The following RNGTT variants were observed in gnomAD, a reference collection of about 807,000 sequenced individuals.
RNGTT encodes the protein mRNA-capping enzyme.
Under a neutral mutation model 79.3 loss-of-function variants are expected in RNGTT, and 33 were observed. That is an observed-to-expected ratio of 0.42 (90% CI 0.32 to 0.56). The LOEUF (loss-of-function observed/expected upper bound fraction) is 0.56. Ranked by LOEUF, RNGTT falls within the 20% of genes least tolerant of loss-of-function variation. RNGTT has a pLI of 0.17. For synonymous variants in RNGTT, 222 were observed against 235.9 expected, an observed-to-expected ratio of 0.94 and a Z score of 0.54; for missense variants, 497 against 739.1, an observed-to-expected ratio of 0.67 and a Z score of 3.80.
chr6:88,626,650 C>A (rs1772644392), intron 14 of RNGTT, among the ~76,000 whole-genome samples: 1 of 152,022 alleles, frequency 6.6e-6, no homozygotes, highest in South Asian at 2.1e-4. Flanking sequence ...AATTGCAGCA[C>A]AAACCACAAA....
chr6:88,829,981 A>T (rs1443422551), intron 11 of RNGTT, among the ~76,000 whole-genome samples: 1 of 152,164 alleles, frequency 6.6e-6, no homozygotes, highest in Admixed American at 6.6e-5. Flanking sequence ...AGACAGATCA[A>T]CGAGACAGGA....
rs6900077 is a variant in RNGTT, at chr6:88,613,151, C to T, written c.1631-269G>A. 4.8e-3 allele frequency among the ~76,000 whole-genome samples: 737 copies of T among 152,304 alleles called. 6 individuals are homozygous for T. Among genetic ancestry groups the T allele is most frequent in the African/African-American group, 0.017 (717 of 41,560 alleles). On this transcript the variant is annotated intron_variant, in intron 15 of 15. Coordinates refer to ENST00000369485, the MANE Select transcript of RNGTT (RefSeq NM_003800.5). ...ATGTCTTCCCCACGGTTTTCTATCCCTCCCAAACCAGTTTTTATGGGATTT... is the reference window on the plus strand; with the variant it reads ...ATGTCTTCCCCACGGTTTTCTATCCTTCCCAAACCAGTTTTTATGGGATTT...
At chr6:88,778,653 G>A (rs762535639) in intron 12 of RNGTT, among the ~76,000 whole-genome samples, 101 of 152,050 alleles carry the variant, frequency 6.6e-4, no homozygotes, top group Non-Finnish European at 1.8e-4. Context: ...ATTGCACCCA[G>A]CTCAAACAGA....
intron 4 of RNGTT, among the ~76,000 whole-genome samples, chr6:88,920,756 G>C (rs1211569267): frequency 6.6e-6 from 1 of 152,132 alleles, no homozygotes; most frequent in Non-Finnish European, 1.5e-5. Flanking sequence ...CATACTCCAG[G>C]TTTAGGAAAA....
At chr6:88,795,011 T>C (rs1779548812) in intron 12 of RNGTT, among the ~76,000 whole-genome samples, 4 of 152,072 alleles carry the variant, frequency 2.6e-5, no homozygotes, top group Non-Finnish European at 4.4e-5. Context: ...AAGGTACAGG[T>C]TGATGATCAG....
intron 13 of RNGTT, among the ~76,000 whole-genome samples, chr6:88,704,979 T>TA (rs570631160): frequency 1.1e-3 from 154 of 144,294 alleles, no homozygotes; most frequent in African/African-American, 1.5e-3. Flanking sequence ...TGAAGAAACC[T>TA]AAAAAAAAAA....
In RNGTT at chr6:88,660,555, A is replaced by AAAAAAAAAAAAG. The variant is rs937133942; in HGVS notation, c.1506+17797_1506+17798insCTTTTTTTTTTT. ...GACTTTAAAGCAACAATGGTAAAAAAAAAGAAAGAAAAGGAGAGACATTAT... is the reference window on the plus strand; with the variant it reads ...GACTTTAAAGCAACAATGGTAAAAAAAAAAAAAAAAAGAAAGAAAGAAAAGGAGAGACATTAT... On this transcript the variant is annotated intron_variant, in intron 14 of 15. Coordinates refer to ENST00000369485, the MANE Select transcript of RNGTT (RefSeq NM_003800.5). Among the ~76,000 whole-genome samples, 852 of 151,782 alleles carry AAAAAAAAAAAAG rather than the reference A, an allele frequency of 5.6e-3. 8 individuals carry two copies. Among genetic ancestry groups the AAAAAAAAAAAAG allele is most frequent in the African/African-American group, 0.02 (806 of 41,122 alleles).
Position 88,612,687 on chromosome 6 carries a change from T to C in RNGTT, c.*32A>G. On this transcript the variant is annotated 3_prime_UTR_variant, in exon 16 of 16. Coordinates refer to ENST00000369485, the MANE Select transcript of RNGTT (RefSeq NM_003800.5). ...CAACAGCGTTTTTTCCTCATTCCTC[T>C]TTCTTCTTAACCCTCAAGTCACAGG... 6.4e-7 allele frequency: 1 copy of C among 1,572,340 alleles called. No individual in the cohort carries two copies. Among genetic ancestry groups the C allele is most frequent in the South Asian group, 1.1e-5 (1 of 87,858 alleles).
At chr6:88,797,849 A>G (rs1478193115) in intron 12 of RNGTT, among the ~76,000 whole-genome samples, 2 of 150,808 alleles carry the variant, frequency 1.3e-5, no homozygotes, top group African/African-American at 4.9e-5. Context: ...GCTCAATCCT[A>G]TTCTTCCACA....
intron 4 of RNGTT, among the ~76,000 whole-genome samples, chr6:88,919,707 CTTTTTTTTTTTT>C (rs5878082): frequency 6.8e-5 from 4 of 58,486 alleles, no homozygotes; most frequent in East Asian, 4.6e-4. Context: ...GTCAGTAGTT[CTTTTTTTTTTTT>C]TTTTTTTTTT....
intron 4 of RNGTT, among the ~76,000 whole-genome samples, chr6:88,917,448 G>A (rs560439310): frequency 6.6e-6 from 1 of 152,224 alleles, no homozygotes; most frequent in East Asian, 1.9e-4. Flanking sequence ...ATGAGCTGTG[G>A]TAAGAAATGC....
chr6:88,647,704 A>AAAAAAAAAAAAAAAAAAAAAAAAAT (rs1773626440), intron 14 of RNGTT, among the ~76,000 whole-genome samples: 2 of 147,172 alleles, frequency 1.4e-5, no homozygotes, highest in Non-Finnish European at 3.0e-5. Flanking sequence ...ACCCTGTTAA[A>AAAAAAAAAAAAAAAAAAAAAAAAAT]AAAAAAAAAA....
intron 13 of RNGTT, among the ~76,000 whole-genome samples, chr6:88,687,625 T>C (rs537093035): frequency 3.9e-5 from 6 of 152,086 alleles, no homozygotes; most frequent in Non-Finnish European, 8.8e-5. Flanking sequence ...TACTTACCAA[T>C]AGGAAATGAT....
At chr6:88,704,029 G>A (rs974922160) in intron 13 of RNGTT, among the ~76,000 whole-genome samples, 2 of 152,090 alleles carry the variant, frequency 1.3e-5, no homozygotes, top group Non-Finnish European at 2.9e-5. Flanking sequence ...GGAGGCTTAG[G>A]CGGGCGGATC....
intron 13 of RNGTT, among the ~76,000 whole-genome samples, chr6:88,702,595 A>T (rs1775984420): frequency 6.6e-6 from 1 of 152,204 alleles, no homozygotes; most frequent in Non-Finnish European, 1.5e-5. Flanking sequence ...AAGACCTCAA[A>T]CTATAAGAAT....
chr6:88,678,196 T>C (rs908691263), intron 14 of RNGTT, 157 bp downstream of exon 14: 1 of 1,268,208 alleles, frequency 7.9e-7, no homozygotes, highest in Non-Finnish European at 1.0e-6. Context: ...GTTCCCAGCA[T>C]GGTCTCAACC....
intron 13 of RNGTT, among the ~76,000 whole-genome samples, chr6:88,710,431 C>T (rs140239228): frequency 2.0e-5 from 3 of 152,112 alleles, no homozygotes; most frequent in Non-Finnish European, 2.9e-5. Context: ...AGAAAGGGAA[C>T]GAAATATAAC....
chr6:88,872,806 G>A (rs996105237), intron 8 of RNGTT, among the ~76,000 whole-genome samples: 5 of 152,122 alleles, frequency 3.3e-5, no homozygotes, highest in Admixed American at 1.3e-4. Context: ...AAAGTGCTGA[G>A]AAGCATGCAC....
rs147038380 is a variant in RNGTT, at chr6:88,770,588, T to C, written c.1339-714A>G. ...GGTTGTTTCCAGTTTTTGGCTATCA[T>C]GAATGATGCTGCTCTGAACATTTGT... On this transcript the variant is annotated intron_variant, in intron 12 of 15. Transcript: ENST00000369485. Among the ~76,000 whole-genome samples the C allele has an allele frequency of 2.0e-3, 312 of 152,320 alleles. 2 individuals are homozygous for C. Among genetic ancestry groups the C allele is most frequent in the African/African-American group, 7.3e-3 (305 of 41,584 alleles).
Sources: allele counts gnomAD v4.1 joint callset (sites outside exome capture counted in the v4.1 genomes callset), GRCh38; gene constraint gnomAD v4.1.1; transcripts MANE v1.5; gene names NCBI Gene and HGNC (gene_info 2026-07-23, HGNC 2026-07-21).